Variants in TTBK2 observed in about 807,000 individuals in gnomAD.
TTBK2 encodes the protein tau tubulin kinase 2.
Under a neutral mutation model 110.8 loss-of-function variants are expected in TTBK2, and 28 were observed. That is an observed-to-expected ratio of 0.25 (90% CI 0.19 to 0.35). TTBK2 has a LOEUF of 0.35. Ranked by LOEUF, TTBK2 falls within the 10% of genes least tolerant of loss-of-function variation. TTBK2 has a pLI of 1.00. For synonymous variants in TTBK2, 532 were observed against 527.3 expected (o/e 1.01, Z -0.12); for missense variants, 1,369 against 1,500.3 (o/e 0.91, Z 1.45).
chr15:42,913,229 G>A (rs1383820033), intron 1 of TTBK2, among the ~76,000 whole-genome samples: 5 of 151,318 alleles, frequency 3.3e-5, no homozygotes. Flanking sequence ...CAAAAGAAGA[G>A]AAGGTAAGTT....
chr15:42,756,749 T>C (rs1182163135), intron 13 of TTBK2, among the ~76,000 whole-genome samples: 1 of 151,806 alleles, frequency 6.6e-6, no homozygotes, highest in Non-Finnish European at 1.5e-5. Flanking sequence ...AAAATATATA[T>C]GACCCAAGCA....
chr15:42,856,567 C>T (rs377712094), intron 3 of TTBK2, among the ~76,000 whole-genome samples: 3 of 152,082 alleles, frequency 2.0e-5, no homozygotes, highest in African/African-American at 7.2e-5. Context: ...TGTAAAATAA[C>T]GGTTAATTTT....
rs775061303 is a variant in TTBK2, at chr15:42,878,525, A to T, written c.69+24T>A. 3.1e-6 allele frequency: 5 copies of T among 1,609,866 alleles called. No individual in the cohort carries two copies. In the African/African-American group the frequency reaches 5.4e-5, roughly 17 times the overall value. The stretch of plus-strand genomic sequence containing the variant: ...CACACACACACACACACACACACAC[A>T]CACTCTCTGAGATGTACACTCACCA... On this transcript the variant is annotated intron_variant, in intron 2 of 14. Transcript: ENST00000267890.
intron 9 of TTBK2, among the ~76,000 whole-genome samples, chr15:42,795,843 CAAAA>C (rs1175589146): frequency 4.1e-5 from 2 of 48,956 alleles, no homozygotes; most frequent in Admixed American, 2.2e-4. Flanking sequence ...AATCTTTCTC[CAAAA>C]AAAAAAAAAA....
At chr15:42,837,329 G>A (rs2141006713) in intron 4 of TTBK2, among the ~76,000 whole-genome samples, 1 of 147,778 alleles carries the variant, frequency 6.8e-6, no homozygotes, top group South Asian at 2.1e-4. Context: ...CTGCACTCCA[G>A]CCTGGGTGAC....
At chr15:42,878,477 A>AC in intron 2 of TTBK2, 72 bp downstream of exon 2, 6 of 1,581,420 alleles carry the variant, frequency 3.8e-6, no homozygotes, top group Non-Finnish European at 5.1e-6. Context: ...ACCAAAAATT[A>AC]CCCCCCGATA....
intron 6 of TTBK2, among the ~76,000 whole-genome samples, chr15:42,823,620 T>C (rs919125658): frequency 2.0e-5 from 3 of 152,244 alleles, no homozygotes; most frequent in African/African-American, 7.2e-5. Flanking sequence ...ATGGTGTTGA[T>C]GTCTTAGTCC....
chr15:42,891,969 T>C (rs553807316), intron 1 of TTBK2, among the ~76,000 whole-genome samples: 2 of 152,152 alleles, frequency 1.3e-5, no homozygotes, highest in African/African-American at 2.4e-5. Context: ...GTGAACTTAA[T>C]CAAAAACAAC....
At chr15:42,763,102 AC>A (rs1321389885) in intron 13 of TTBK2, among the ~76,000 whole-genome samples, 1 of 108,972 alleles carries the variant, frequency 9.2e-6, no homozygotes, top group Non-Finnish European at 1.7e-5. Context: ...ATATATATAT[AC>A]GTATATATAT....
At position 42,817,416 on chromosome 15, in the gene TTBK2, C is replaced by T. The variant is rs553083533; in HGVS notation, c.538-319G>A. ...TTAAATGCTTTCATATACCCATAAT[C>T]GTGGTAAGTATCATAGTATATACAT... On this transcript the variant is annotated intron_variant, in intron 6 of 14. Coordinates refer to ENST00000267890, the MANE Select transcript of TTBK2 (RefSeq NM_173500.4). 9.2e-5 allele frequency among the ~76,000 whole-genome samples: 14 copies of T among 152,178 alleles called. No homozygotes were observed. The East Asian group carries it at 9.6e-4, about 10-fold the overall frequency.
intron 6 of TTBK2, among the ~76,000 whole-genome samples, chr15:42,825,392 AAATT>A (rs1892486614): frequency 6.6e-6 from 1 of 152,178 alleles, no homozygotes; most frequent in East Asian, 1.9e-4. Flanking sequence ...TAGCCACTTA[AAATT>A]AATTGAATTT....
At position 42,752,554 on chromosome 15, in the gene TTBK2, T is replaced by C; in HGVS notation, c.2692A>G (p.Thr898Ala). ...DLPGHQGDLS[T>A]FLHQEGKREK... is the part of the protein sequence containing the mutation. ...CTCTTGCCCTCTTGGTGCAAAAAAG[T>C]AGAGAGGTCTCCTTGATGACCTGGC... Residue 898 changes from threonine (T) to alanine (A), a missense_variant, in exon 14 of 15, where the codon ACT (threonine) becomes GCT (alanine). Physicochemically the swap from Thr to Ala is moderately conservative, Grantham distance 58. This residue lies in a region of TTBK2 where 1,097 missense variants were observed against 1,114.7 expected (regional missense o/e 0.98). Transcript: ENST00000267890. The C allele has an allele frequency of 1.2e-6, 2 of 1,614,170 alleles. No homozygotes were observed. Among genetic ancestry groups the C allele is most frequent in the South Asian group, 2.2e-5 (2 of 91,074 alleles).
At chr15:42,822,212 T>A (rs1354457753) in intron 6 of TTBK2, among the ~76,000 whole-genome samples, 1 of 152,240 alleles carries the variant, frequency 6.6e-6, no homozygotes, top group Non-Finnish European at 1.5e-5. Flanking sequence ...TTTTTCCCCA[T>A]CTGTGACTTG....
At chr15:42,908,997 T>A (rs2030583984) in intron 1 of TTBK2, among the ~76,000 whole-genome samples, 1 of 152,256 alleles carries the variant, frequency 6.6e-6, no homozygotes, top group Non-Finnish European at 1.5e-5. Context: ...CACAAATTTA[T>A]AATCTAATAG....
chr15:42,827,746 T>A (rs985634328), intron 6 of TTBK2, among the ~76,000 whole-genome samples, 182 bp downstream of exon 6: 1 of 152,178 alleles, frequency 6.6e-6, no homozygotes, highest in East Asian at 1.9e-4. Flanking sequence ...TAATATACAT[T>A]TTTTGAAGCC....
In TTBK2 at chr15:42,804,583, G is replaced by T. The variant is rs145190766; in HGVS notation, c.822+6031C>A. 8.5e-5 allele frequency among the ~76,000 whole-genome samples: 13 copies of T among 152,252 alleles called. No individual in the cohort carries two copies. The East Asian group carries it at 2.5e-3, about 29-fold the overall frequency. ...TTTAAACAGGTCTTTTAAGTATGGT[G>T]CTATTTCTACTAAAGAAGAGTTACA... On this transcript the variant is annotated intron_variant, in intron 9 of 14. Transcript: ENST00000267890.
At chr15:42,917,635 T>C (rs1254384254) in intron 1 of TTBK2, among the ~76,000 whole-genome samples, 1 of 151,326 alleles carries the variant, frequency 6.6e-6, no homozygotes, top group Non-Finnish European at 1.5e-5. Context: ...CACTGAAGCC[T>C]GGGGAAAAAA....
chr15:42,760,896 C>G lies in TTBK2; in HGVS notation c.1999-7649G>C, dbSNP rs577020894. Among the ~76,000 whole-genome samples the G allele has an allele frequency of 7.9e-5, 12 of 152,140 alleles. No individual in the cohort carries two copies. In the South Asian group the frequency reaches 2.5e-3, roughly 32 times the overall value. ...AGCAAAAATACAAAAGAAAACAAAA[C>G]AAAAGTTGGAGGTATAACACTACCT... is the stretch of plus-strand genomic sequence containing the variant. On this transcript the variant is annotated intron_variant, in intron 13 of 14. Transcript: ENST00000267890.
intron 1 of TTBK2, among the ~76,000 whole-genome samples, chr15:42,893,363 G>A (rs1034516663): frequency 6.6e-6 from 1 of 152,068 alleles, no homozygotes; most frequent in Non-Finnish European, 1.5e-5. Flanking sequence ...ACTGCATGTG[G>A]TGGGTGCCTG....
Sources: gnomAD v4.1 joint callset for allele counts (sites outside exome capture counted in the v4.1 genomes callset) on GRCh38, gnomAD v4.1.1 for gene constraint, gnomAD v4.1.1 regional missense constraint, MANE v1.5 for transcripts, NCBI Gene and HGNC (gene_info 2026-07-23, HGNC 2026-07-21) for gene names.